The following GRM4 variants were observed in gnomAD, a reference collection of about 807,000 sequenced individuals.
GRM4 encodes metabotropic glutamate receptor 4.
A neutral mutation model predicts 81.7 loss-of-function variants in GRM4; 28 were observed. The observed-to-expected ratio is 0.34, with a 90% CI of 0.25 to 0.47. The LOEUF is 0.47. GRM4 is among the 20% of genes least tolerant of loss of function. The pLI is 1.00. For synonymous variants in GRM4, 488 were observed against 528.8 expected (o/e 0.92, Z 1.06); for missense variants, 948 against 1,290.0 (o/e 0.73, Z 4.06).
At chr6:34,028,488 GC>G in intron 9 of GRM4, 122 bp from the exon 10 acceptor site, 1 of 1,090,002 alleles carries the variant, frequency 9.2e-7, no homozygotes, top group South Asian at 1.5e-5. Context: ...GGAAGTCGTG[GC>G]TTGGAGCTGG....
chr6:34,119,538 C>A (rs554205912), intron 2 of GRM4, among the ~76,000 whole-genome samples: 1 of 152,326 alleles, frequency 6.6e-6, no homozygotes, highest in Admixed American at 6.5e-5. Flanking sequence ...CAGCCCTGCC[C>A]CTCTCTGGCA....
At position 34,035,725 on chromosome 6, in the gene GRM4, G is replaced by A; in HGVS notation, c.2385C>T (p.Cys795=). The A allele has an allele frequency of 6.2e-7, 1 of 1,602,632 alleles. No individual in the cohort carries two copies. The highest frequency in any genetic ancestry group is 1.1e-5 in the South Asian group (1 of 90,770). The change falls in exon 9 of 11, where the codon TGC becomes TGT. Residue 795 remains cysteine (C), a synonymous_variant. Coordinates refer to ENST00000538487, the MANE Select transcript of GRM4 (RefSeq NM_000841.4). The surrounding 1 kb of genome is among the most constrained non-coding windows in gnomAD (Gnocchi z 6.6). Reference sequence around the variant, plus strand: ...TGGGGATGAAGGCCAGCCAGACGATGCAAGTGGTGTACATGGTGAAGCCAA... The same window carrying A: ...TGGGGATGAAGGCCAGCCAGACGATACAAGTGGTGTACATGGTGAAGCCAA... The part of the protein sequence containing the change: ...KPIGFTMYTT[C]IVWLAFIPIF...
chr6:34,125,382 G>C (rs1048481316), intron 2 of GRM4, among the ~76,000 whole-genome samples: 1 of 152,166 alleles, frequency 6.6e-6, no homozygotes, highest in Non-Finnish European at 1.5e-5. Flanking sequence ...AGGACTGCAG[G>C]GTGGGTGGGG....
intron 2 of GRM4, among the ~76,000 whole-genome samples, chr6:34,094,836 T>C (rs1200298160): frequency 6.6e-6 from 1 of 152,054 alleles, no homozygotes; most frequent in African/African-American, 2.4e-5. Flanking sequence ...CGGCGGCAAA[T>C]GGAAACAGAG....
intron 2 of GRM4, among the ~76,000 whole-genome samples, chr6:34,098,113 C>T (rs1377245306): frequency 2.0e-5 from 3 of 152,168 alleles, no homozygotes; most frequent in Non-Finnish European, 2.9e-5. Context: ...CCCGTAAAGT[C>T]GTCACCATCA....
intron 10 of GRM4, among the ~76,000 whole-genome samples, chr6:34,026,813 T>C (rs1441824217): frequency 6.6e-6 from 1 of 152,098 alleles, no homozygotes; most frequent in Non-Finnish European, 1.5e-5. Flanking sequence ...GAGGGGCTAA[T>C]ACCCCCTAGC....
chr6:34,058,016 T>A (rs955835255), intron 5 of GRM4, among the ~76,000 whole-genome samples: 2 of 152,028 alleles, frequency 1.3e-5, no homozygotes, highest in African/African-American at 4.8e-5. Flanking sequence ...TGGGGATGGA[T>A]GAGCCAGGAA....
chr6:34,124,720 A>C (rs1442302036), intron 2 of GRM4, among the ~76,000 whole-genome samples: 1 of 152,234 alleles, frequency 6.6e-6, no homozygotes, highest in African/African-American at 2.4e-5. Context: ...AGTGCCGGGC[A>C]TGGAGATGGC....
At chr6:34,073,110 A>T (rs377740627) in intron 3 of GRM4, among the ~76,000 whole-genome samples, 2 of 79,660 alleles carry the variant, frequency 2.5e-5, no homozygotes, top group Non-Finnish European at 5.2e-5. Flanking sequence ...ACACACACAC[A>T]TCACCACACA....
chr6:34,026,526 T>C (rs1222460001), intron 10 of GRM4, among the ~76,000 whole-genome samples: 1 of 151,978 alleles, frequency 6.6e-6, no homozygotes, highest in African/African-American at 2.4e-5. Flanking sequence ...GTGAGGCCCA[T>C]GGGGGCTGCC....
At position 34,028,211 on chromosome 6, in the gene GRM4, C is replaced by T. The variant is rs965248335; in HGVS notation, c.2598G>A (p.Ala866=). The change falls in exon 10 of 11, where the codon GCG becomes GCA. Residue 866 remains alanine (A), a synonymous_variant. Transcript: ENST00000538487. ...GCGTGAACTTGTTGGACATGGTGGC[C>T]GCCGTAACGACGGCTTTGAGGCTGC... The part of the protein sequence containing the change: ...RKRSLKAVVT[A]ATMSNKFTQK... 11 of 1,614,048 alleles carry T rather than the reference C, an allele frequency of 6.8e-6. No individual in the cohort carries two copies. The highest frequency in any genetic ancestry group is 4.0e-5 in the African/African-American group (3 of 75,066).
In GRM4 at chr6:34,047,566, C is replaced by T. The variant is rs893576224; in HGVS notation, c.1169-6818G>A. 6.6e-6 allele frequency among the ~76,000 whole-genome samples: 1 copy of T among 152,122 alleles called. No homozygotes were observed. The highest frequency in any genetic ancestry group is 1.5e-5 in the Non-Finnish European group (1 of 68,022). On this transcript the variant is annotated intron_variant, in intron 6 of 10. Transcript: ENST00000538487. This position sits in a 1 kb window ranked among gnomAD's most constrained non-coding sequence, Gnocchi z 4.5. ...CGCAGTTTTGCCGGCCCCCTCCTCTCGAATTTTCATCCTCATCAAGTCGCC... is the reference window on the plus strand; with the variant it reads ...CGCAGTTTTGCCGGCCCCCTCCTCTTGAATTTTCATCCTCATCAAGTCGCC...
chr6:34,077,117 G>A (rs890011077), intron 3 of GRM4, among the ~76,000 whole-genome samples: 8 of 152,100 alleles, frequency 5.3e-5, no homozygotes, highest in African/African-American at 1.9e-4. Flanking sequence ...CCGTGTTACA[G>A]TGCAAGGGAC....
At chr6:34,067,804 A>AT (rs143075016) in intron 3 of GRM4, among the ~76,000 whole-genome samples, 5,784 of 152,278 alleles carry the variant, frequency 0.038, 210 homozygotes, top group East Asian at 0.18. Context: ...CAGCCTGAGC[A>AT]TGCAGGTGGC....
Position 34,035,658 on chromosome 6 carries a change from C to T in GRM4, c.2442+10G>A, listed in dbSNP as rs1290468075. ...CTACCCACCGTCCACCCCCGGCCCC[C>T]ACCACTCACCTTGTCGGCCGACTGC... On this transcript the variant is annotated intron_variant, in intron 9 of 10. Transcript: ENST00000538487. This position sits in a 1 kb window ranked among gnomAD's most constrained non-coding sequence, Gnocchi z 6.6. 2 of 1,545,030 alleles carry T rather than the reference C, an allele frequency of 1.3e-6. No individual in the cohort carries two copies. Among genetic ancestry groups the T allele is most frequent in the African/African-American group, 1.4e-5 (1 of 73,856 alleles).
In GRM4 at chr6:34,152,546, C is replaced by T. The variant is rs1422756919; in HGVS notation, c.312+2533G>A. On this transcript the variant is annotated intron_variant, in intron 1 of 8. Transcript: ENST00000374177. This position sits in a 1 kb window ranked among gnomAD's most constrained non-coding sequence, Gnocchi z 4.1. ...CACCCCTTGTCCTCCTCCTCCTCTT[C>T]AGCTTTCTCCCTCTCTTCCTGTACC... Among the ~76,000 whole-genome samples the T allele has an allele frequency of 6.6e-6, 1 of 152,102 alleles. No homozygotes were observed. Among genetic ancestry groups the T allele is most frequent in the Non-Finnish European group, 1.5e-5 (1 of 68,018 alleles).
rs1323406991 is a variant in GRM4, at chr6:34,035,632, C to T, written c.2442+36G>A. Reference sequence around the variant, plus strand: ...GGCTGCCCCTTGCTCACTGCCCTCACCTACCCACCGTCCACCCCCGGCCCC... The same window carrying T: ...GGCTGCCCCTTGCTCACTGCCCTCATCTACCCACCGTCCACCCCCGGCCCC... On this transcript the variant is annotated intron_variant, in intron 9 of 10. Transcript: ENST00000538487. This position sits in a 1 kb window ranked among gnomAD's most constrained non-coding sequence, Gnocchi z 6.6. The T allele has an allele frequency of 2.3e-6, 3 of 1,323,170 alleles. No homozygotes were observed. In the African/African-American group the frequency reaches 4.7e-5, roughly 21 times the overall value. The allele number at this position is 1,323,170 out of a possible 1,614,324, so 82.0% of individuals were successfully genotyped here. A position where few individuals can be genotyped will look rare whatever the true frequency, so the allele number is the denominator to read the frequency against.
At position 34,133,604 on chromosome 6, in the gene GRM4, G is replaced by C; in HGVS notation, c.-108C>G. 1 of 1,472,770 alleles carries C rather than the reference G, an allele frequency of 6.8e-7. No homozygotes were observed. The highest frequency in any genetic ancestry group is 1.4e-5 in the South Asian group (1 of 69,694). 91.2% of individuals were successfully genotyped at this position (1,472,770 alleles called of 1,614,324 possible). ...GGGCAGGGCAGCTTCAGCAGCAGGGGGACTGAGGGCAGCCAACCGCGTAGC... is the reference window on the plus strand; with the variant it reads ...GGGCAGGGCAGCTTCAGCAGCAGGGCGACTGAGGGCAGCCAACCGCGTAGC... On this transcript the variant is annotated 5_prime_UTR_variant, in exon 2 of 11. Transcript: ENST00000538487. The surrounding 1 kb of genome is among the most constrained non-coding windows in gnomAD (Gnocchi z 6.5).
intron 5 of GRM4, among the ~76,000 whole-genome samples, chr6:34,058,688 C>T (rs1047607744): frequency 3.9e-5 from 6 of 152,178 alleles, no homozygotes; most frequent in Non-Finnish European, 5.9e-5. Flanking sequence ...CCCGGCAGGG[C>T]GGCTCCCAGC....
Sources: allele counts gnomAD v4.1 joint callset (sites outside exome capture counted in the v4.1 genomes callset), GRCh38; gene constraint gnomAD v4.1.1; non-coding constraint Gnocchi (gnomAD v3.1); transcripts MANE v1.5; gene names NCBI Gene and HGNC (gene_info 2026-07-23, HGNC 2026-07-21).